Variants in ASIC5 observed in about 807,000 individuals in gnomAD.
The protein encoded by ASIC5 is bile acid-sensitive ion channel.
In ASIC5, 52 loss-of-function variants were observed where a neutral mutation model predicts 51.2. That is an observed-to-expected ratio of 1.02 (90% CI 0.81 to 1.28). The LOEUF (loss-of-function observed/expected upper bound fraction) is 1.28. Among genes scored for constraint, ASIC5 ranks in the 50% most tolerant of loss-of-function variants. ASIC5 has a pLI of 0.00. For synonymous variants in ASIC5, 231 were observed against 200.7 expected, an observed-to-expected ratio of 1.15 and a Z score of -1.28; for missense variants, 635 against 595.0, an observed-to-expected ratio of 1.07 and a Z score of -0.70.
At chr4:155,849,404 G>A (rs6851513) in intron 4 of ASIC5, among the ~76,000 whole-genome samples, 10,935 of 151,992 alleles carry the variant, frequency 0.072, 1,020 homozygotes, top group African/African-American at 0.22. Context: ...TCCACCAAAG[G>A]CAATTTAAAA....
At chr4:155,865,475 A>G (rs1514007) in intron 1 of ASIC5, among the ~76,000 whole-genome samples, 129,333 of 151,828 alleles carry the variant, frequency 0.85, 56,697 homozygotes, top group East Asian at 0.95. Context: ...CATTCCTAGA[A>G]TAGGGATCAA....
chr4:155,853,333 G>C (rs1005415183), intron 3 of ASIC5, among the ~76,000 whole-genome samples: 11 of 151,926 alleles, frequency 7.2e-5, no homozygotes, highest in Non-Finnish European at 1.5e-4. Flanking sequence ...TTGTATTGAA[G>C]AACAAAGAAT....
intron 1 of ASIC5, among the ~76,000 whole-genome samples, chr4:155,865,827 GC>G (rs1272380712): frequency 1.3e-5 from 2 of 152,034 alleles, no homozygotes; most frequent in African/African-American, 4.8e-5. Context: ...ACTAGACCTT[GC>G]ATTGAGTGCT....
chr4:155,846,552 A>G (rs973934895), intron 4 of ASIC5, among the ~76,000 whole-genome samples: 1 of 152,144 alleles, frequency 6.6e-6, no homozygotes, highest in Non-Finnish European at 1.5e-5. Context: ...AGTTCCTCCC[A>G]AAGTCCAGGA....
At chr4:155,848,247 AT>A (rs2111248300) in intron 4 of ASIC5, among the ~76,000 whole-genome samples, 1 of 152,090 alleles carries the variant, frequency 6.6e-6, no homozygotes, top group South Asian at 2.1e-4. Flanking sequence ...AATATCAAGT[AT>A]TTTACACCTT....
At chr4:155,831,567 C>A (rs538221132) in intron 9 of ASIC5, among the ~76,000 whole-genome samples, 1 of 152,080 alleles carries the variant, frequency 6.6e-6, no homozygotes, top group Non-Finnish European at 1.5e-5. Context: ...GTCAGGAGAT[C>A]GAGACCATCC....
At position 155,863,603 on chromosome 4, in the gene ASIC5, GAGCA is replaced by G. The variant is rs1334583013; in HGVS notation, c.188_191del (p.Val63AlafsTer13). The G allele has an allele frequency of 6.2e-7, 1 of 1,613,768 alleles. No individual in the cohort carries two copies. ...CTGAGCCCAGAACCACCACCAACCAGAGCACCCTGCGAATTTTGCTCCGGTTCTG... is the reference window on the plus strand; with the variant it reads ...CTGAGCCCAGAACCACCACCAACCAGCCCTGCGAATTTTGCTCCGGTTCTG... On this transcript the variant is annotated frameshift_variant, in exon 2 of 10. Transcript: ENST00000537611. LOFTEE classifies it high-confidence loss of function.
intron 6 of ASIC5, 35 bp downstream of exon 6, chr4:155,842,172 C>T (rs1206119929): frequency 6.3e-7 from 1 of 1,587,218 alleles, no homozygotes; most frequent in East Asian, 2.2e-5. Flanking sequence ...ACTTAACTGT[C>T]TAGTTAAGTA....
intron 6 of ASIC5, 35 bp from the exon 7 acceptor site, chr4:155,838,904 A>G (rs1741054539): frequency 1.6e-6 from 2 of 1,228,652 alleles, no homozygotes; most frequent in African/African-American, 3.1e-5. Context: ...TAGAGACTTT[A>G]CATTTTGTAA....
chr4:155,838,436 T>C (rs1378325481), intron 7 of ASIC5, among the ~76,000 whole-genome samples: 1 of 152,172 alleles, frequency 6.6e-6, no homozygotes, highest in Non-Finnish European at 1.5e-5. Flanking sequence ...TGAAGGACTA[T>C]TCCCAATCAG....
Position 155,863,728 on chromosome 4 carries a change from G to A in ASIC5, c.67C>T (p.Leu23Phe), listed in dbSNP as rs369397692. ...NGLLEKIKLC[L>F]SKKPLPSPTE... The stretch of plus-strand genomic sequence containing the variant: ...GGAGATGGCAGTGGTTTCTTTGAAA[G>A]GCAAAGCTTTATCTTTTCTAAGAGT... The change falls in exon 2 of 10, where the codon CTT becomes TTT. Residue 23 changes from leucine to phenylalanine, a missense_variant. Coordinates refer to ENST00000537611, the MANE Select transcript of ASIC5 (RefSeq NM_017419.3). 1.9e-6 allele frequency: 3 copies of A among 1,613,252 alleles called. No individual in the cohort carries two copies. The highest frequency in any genetic ancestry group is 1.3e-5 in the African/African-American group (1 of 74,880).
At chr4:155,845,355 GTT>G (rs71600396) in intron 4 of ASIC5, among the ~76,000 whole-genome samples, 4 of 144,872 alleles carry the variant, frequency 2.8e-5, no homozygotes, top group African/African-American at 1.0e-4. Flanking sequence ...GTTTTTGTGG[GTT>G]TTTTTTTTGT....
chr4:155,844,934 A>G (rs1378417393), intron 4 of ASIC5, among the ~76,000 whole-genome samples: 2 of 152,084 alleles, frequency 1.3e-5, no homozygotes, highest in African/African-American at 2.4e-5. Context: ...GCTGCAACAC[A>G]GGACGACCAA....
At chr4:155,858,027 C>G (rs1318533493) in intron 2 of ASIC5, among the ~76,000 whole-genome samples, 2 of 151,984 alleles carry the variant, frequency 1.3e-5, no homozygotes, top group Non-Finnish European at 2.9e-5. Flanking sequence ...GATCAAATAG[C>G]ATCAGTAGTC....
At chr4:155,849,838 A>C (rs144174010) in intron 4 of ASIC5, among the ~76,000 whole-genome samples, 2 of 152,088 alleles carry the variant, frequency 1.3e-5, no homozygotes, top group South Asian at 2.1e-4. Context: ...GCCTATTTAC[A>C]TACATAAGCC....
In ASIC5 at chr4:155,853,751, G is replaced by C. The variant is rs551828200; in HGVS notation, c.585+326C>G. On this transcript the variant is annotated intron_variant, in intron 3 of 9. Transcript: ENST00000537611. ...TATTTGGTGATTATAAAAATACTAT[G>C]TTGGAATAGGTTGTTTGTTGATGAA... 5.9e-5 allele frequency among the ~76,000 whole-genome samples: 9 copies of C among 151,674 alleles called. No homozygotes were observed. The South Asian group carries it at 1.7e-3, about 28-fold the overall frequency.
At chr4:155,830,335 T>C (rs1055717289) in intron 9 of ASIC5, among the ~76,000 whole-genome samples, 1 of 152,120 alleles carries the variant, frequency 6.6e-6, no homozygotes, top group African/African-American at 2.4e-5. Flanking sequence ...TCATTAGAGA[T>C]TCTAGATAAT....
intron 2 of ASIC5, among the ~76,000 whole-genome samples, chr4:155,862,706 C>T (rs920426153): frequency 6.6e-6 from 1 of 152,126 alleles, no homozygotes; most frequent in Non-Finnish European, 1.5e-5. Context: ...CTTTTCTAAG[C>T]TCAGGGCTCT....
chr4:155,854,183 C>T lies in ASIC5; in HGVS notation c.479G>A (p.Ser160Asn). ...TTCCACAATGCTGAAGTTTTGGTGA[C>T]TTGCAGCAAAATCAGTAGCCTCTCT... ...GSREATDFAA[S>N]HQNFSIVEFI... The change falls in exon 3 of 10, where the codon AGT becomes AAT. Residue 160 changes from serine to asparagine, a missense_variant. Transcript: ENST00000537611. The T allele has an allele frequency of 6.2e-7, 1 of 1,613,388 alleles. No individual in the cohort carries two copies.
Sources: gnomAD v4.1 joint callset for allele counts (sites outside exome capture counted in the v4.1 genomes callset) on GRCh38, gnomAD v4.1.1 for gene constraint, MANE v1.5 for transcripts, NCBI Gene and HGNC (gene_info 2026-07-23, HGNC 2026-07-21) for gene names.